EPRS1: variants seen among roughly 807,000 people sequenced by gnomAD.
The protein encoded by EPRS1 is bifunctional glutamate/proline--tRNA ligase.
Under a neutral mutation model 188.3 loss-of-function variants are expected in EPRS1, and 107 were observed. The ratio of observed to expected loss-of-function variants is 0.57; its 90% CI spans 0.49 to 0.67. EPRS1 has a LOEUF of 0.67. Among genes scored for constraint, EPRS1 ranks in the 30% least tolerant of loss-of-function variants. The pLI is 0.00. For synonymous variants in EPRS1, 596 were observed against 593.1 expected (o/e 1.00, Z -0.07); for missense variants, 1,577 against 1,802.2 (o/e 0.88, Z 2.26).
chr1:220,024,498 A>G (rs749059382), intron 7 of EPRS1, 42 bp from the exon 8 acceptor site: 21 of 1,458,728 alleles, frequency 1.4e-5, no homozygotes, highest in Non-Finnish European at 1.8e-5. Context: ...TATCTTTTGC[A>G]TTTTTTCGTG....
At chr1:220,020,865 T>C (rs1314800893) in intron 9 of EPRS1, among the ~76,000 whole-genome samples, 1 of 110,582 alleles carries the variant, frequency 9.0e-6, no homozygotes, top group Non-Finnish European at 1.9e-5. Flanking sequence ...TATATATATA[T>C]ATATATTAGT....
At chr1:220,022,628 G>A in intron 8 of EPRS1, 110 bp from the exon 9 acceptor site, 2 of 884,588 alleles carry the variant, frequency 2.3e-6, no homozygotes, top group South Asian at 1.8e-5. Flanking sequence ...TAACCACCCT[G>A]TGTTAGTTTA....
chr1:220,038,079 TA>T (rs1662221595), intron 2 of EPRS1, among the ~76,000 whole-genome samples: 1 of 129,436 alleles, frequency 7.7e-6, no homozygotes, highest in Non-Finnish European at 1.7e-5. Flanking sequence ...GTTTCAGCTT[TA>T]TCTTTTTTTT....
chr1:220,005,968 C>T (rs1200383053), intron 15 of EPRS1, 138 bp downstream of exon 15: 14 of 492,038 alleles, frequency 2.8e-5, no homozygotes, highest in Non-Finnish European at 4.5e-5. Context: ...CCATGCTCGG[C>T]CAACTTACAT....
chr1:219,992,573 G>A (rs1661143782), intron 18 of EPRS1, among the ~76,000 whole-genome samples: 1 of 152,158 alleles, frequency 6.6e-6, no homozygotes, highest in African/African-American at 2.4e-5. Context: ...AACTCTAACT[G>A]TAGCATGAAA....
chr1:219,968,804 C>T lies in EPRS1; in HGVS notation c.*2G>A. 1 of 1,613,902 alleles carries T rather than the reference C, an allele frequency of 6.2e-7. No individual in the cohort carries two copies. The highest frequency in any genetic ancestry group is 2.2e-5 in the East Asian group (1 of 44,880). ...GTTGAAGAGGGGGCTTTCGTTCATC[C>T]CTCAGTAGCTGCGACCAAATAAGGT... On this transcript the variant is annotated 3_prime_UTR_variant, in exon 32 of 32. Coordinates refer to ENST00000366923, the MANE Select transcript of EPRS1 (RefSeq NM_004446.3).
intron 28 of EPRS1, among the ~76,000 whole-genome samples, chr1:219,975,112 C>G (rs1651254178): frequency 1.3e-5 from 2 of 152,058 alleles, no homozygotes; most frequent in Non-Finnish European, 2.9e-5. Context: ...GGCATGATGG[C>G]AAAATGCAAT....
rs1322832124 is a variant in EPRS1 at position 219,979,372 on chromosome 1, G to C, written c.3909+46C>G. 2.1e-6 allele frequency: 3 copies of C among 1,418,758 alleles called. No homozygotes were observed. In the East Asian group the frequency reaches 6.9e-5, roughly 33 times the overall value. 87.9% of individuals were successfully genotyped at this position (1,418,758 alleles called of 1,614,324 possible). Reference sequence around the variant, plus strand: ...TTTCAAATTTCCTTTAGTAAATATGGCTTGTATTTTATAAAATGAGTGATA... The same window carrying C: ...TTTCAAATTTCCTTTAGTAAATATGCCTTGTATTTTATAAAATGAGTGATA... On this transcript the variant is annotated intron_variant, in intron 27 of 31. Coordinates refer to ENST00000366923, the MANE Select transcript of EPRS1 (RefSeq NM_004446.3).
At chr1:219,998,078 A>T (rs1265161521) in intron 17 of EPRS1, among the ~76,000 whole-genome samples, 1 of 152,130 alleles carries the variant, frequency 6.6e-6, no homozygotes, top group Non-Finnish European at 1.5e-5. Flanking sequence ...ATTCTTCCCT[A>T]CTGAAACCCT....
At chr1:220,025,469 G>A (rs1258353465) in intron 6 of EPRS1, among the ~76,000 whole-genome samples, 6 of 150,938 alleles carry the variant, frequency 4.0e-5, no homozygotes, top group Non-Finnish European at 8.9e-5. Flanking sequence ...ACAATTATAA[G>A]AAACAACTTC....
chr1:220,036,953 T>A (rs1047057478), intron 2 of EPRS1, among the ~76,000 whole-genome samples: 5 of 150,050 alleles, frequency 3.3e-5, no homozygotes, highest in East Asian at 2.0e-4. Flanking sequence ...ACTAAAAACA[T>A]AATAGCCAAA....
intron 30 of EPRS1, among the ~76,000 whole-genome samples, chr1:219,969,600 T>C (rs12098052): frequency 0.46 from 69,405 of 151,146 alleles, 16,024 homozygotes; most frequent in South Asian, 0.52. Context: ...GTTCCTAACA[T>C]GTTATATAGG....
At chr1:220,033,984 G>A (rs1373338846) in intron 3 of EPRS1, among the ~76,000 whole-genome samples, 1 of 151,476 alleles carries the variant, frequency 6.6e-6, no homozygotes, top group Admixed American at 6.6e-5. Flanking sequence ...ATGAACCGAA[G>A]GGATGGTACC....
intron 12 of EPRS1, chr1:220,018,245 T>G: frequency 9.3e-7 from 1 of 1,070,716 alleles, no homozygotes; most frequent in East Asian, 2.7e-5. Context: ...TTTCAATCAT[T>G]GTTACTTATT....
chr1:219,992,513 G>A (rs967222437), intron 18 of EPRS1, among the ~76,000 whole-genome samples: 1 of 152,152 alleles, frequency 6.6e-6, no homozygotes, highest in Non-Finnish European at 1.5e-5. Context: ...TTCTATAAAG[G>A]GCTATATAAT....
At chr1:219,980,298 C>G (rs1660870514) in intron 25 of EPRS1, 58 bp from the exon 26 acceptor site, 1 of 1,322,976 alleles carries the variant, frequency 7.6e-7, no homozygotes, top group Admixed American at 1.8e-5. Context: ...TCATTAAGAT[C>G]TATAAAACTG....
chr1:219,971,221 T>C (rs1660658420), intron 30 of EPRS1, among the ~76,000 whole-genome samples: 1 of 152,194 alleles, frequency 6.6e-6, no homozygotes, highest in Non-Finnish European at 1.5e-5. Flanking sequence ...TTCAAACATG[T>C]ATACCAGAAT....
At chr1:219,991,488 A>G (rs140693754) in intron 18 of EPRS1, among the ~76,000 whole-genome samples, 7 of 152,312 alleles carry the variant, frequency 4.6e-5, no homozygotes, top group African/African-American at 1.4e-4. Flanking sequence ...AATGAAAGGT[A>G]ATCAGAACAG....
In EPRS1 at chr1:220,018,477, C is replaced by T. The variant is rs1203830051; in HGVS notation, c.1466G>A (p.Trp489Ter). 1 of 1,611,986 alleles carries T rather than the reference C, an allele frequency of 6.2e-7. No homozygotes were observed. The highest frequency in any genetic ancestry group is 1.1e-5 in the South Asian group (1 of 90,968). The change falls in exon 12 of 32, where the codon TGG (tryptophan) becomes TAG (stop). Residue 489 changes from tryptophan (W) to a stop codon, truncating the protein, a stop_gained. Transcript: ENST00000366923. LOFTEE classifies it high-confidence loss of function. ...GSSRSVVNME[W>*]DKIWAFNKKV... ...TTTGTTAAACGCCCAGATTTTGTCC[C>T]ACTCCATGTTCACGACTGAACGTGA...
Sources: allele counts gnomAD v4.1 joint callset (sites outside exome capture counted in the v4.1 genomes callset), GRCh38; gene constraint gnomAD v4.1.1; transcripts MANE v1.5; gene names NCBI Gene and HGNC (gene_info 2026-07-23, HGNC 2026-07-21).